NALCN: variants seen among roughly 807,000 people sequenced by gnomAD.
The protein encoded by NALCN is sodium leak channel NALCN.
Under a neutral mutation model 225.3 loss-of-function variants are expected in NALCN, and 111 were observed. That is an observed-to-expected ratio of 0.49 (90% CI 0.42 to 0.58). The LOEUF (loss-of-function observed/expected upper bound fraction) is 0.58. NALCN is among the 20% of genes least tolerant of loss of function. The pLI is 0.00. For synonymous variants in NALCN, 764 were observed against 769.0 expected (o/e 0.99, Z 0.11); for missense variants, 1,378 against 2,202.4 (o/e 0.63, Z 7.49).
chr13:101,268,646 G>T (rs2042675938), intron 10 of NALCN, among the ~76,000 whole-genome samples: 3 of 152,138 alleles, frequency 2.0e-5, no homozygotes. Flanking sequence ...GCACACAAAA[G>T]CCATTTCTGG....
chr13:101,300,755 A>T (rs979570696), intron 7 of NALCN, among the ~76,000 whole-genome samples: 1 of 152,282 alleles, frequency 6.6e-6, no homozygotes, highest in African/African-American at 2.4e-5. Context: ...CACGTGGCAT[A>T]TCAAGGCAAT....
chr13:101,122,575 T>C (rs2036030345), intron 18 of NALCN, among the ~76,000 whole-genome samples: 1 of 152,214 alleles, frequency 6.6e-6, no homozygotes, highest in Non-Finnish European at 1.5e-5. Flanking sequence ...TCAGCAACTA[T>C]ATCCCTCTTG....
intron 14 of NALCN, among the ~76,000 whole-genome samples, chr13:101,190,750 C>T (rs1015437048): frequency 6.6e-6 from 1 of 152,126 alleles, no homozygotes; most frequent in Non-Finnish European, 1.5e-5. Context: ...TTATTTCATT[C>T]ATAGATATTT....
At chr13:101,099,030 T>G (rs541094289) in intron 27 of NALCN, among the ~76,000 whole-genome samples, 2 of 151,936 alleles carry the variant, frequency 1.3e-5, no homozygotes, top group African/African-American at 4.8e-5. Flanking sequence ...TTTGGCTGGG[T>G]ATGAGTGGAT....
chr13:101,060,033 A>T, intron 41 of NALCN, 66 bp from the exon 42 acceptor site: 1 of 1,576,238 alleles, frequency 6.3e-7, no homozygotes, highest in Non-Finnish European at 8.7e-7. Flanking sequence ...ACCGCCACAC[A>T]AATCTTATTT....
chr13:101,191,529 C>A (rs1284813862), intron 14 of NALCN, among the ~76,000 whole-genome samples: 1 of 152,018 alleles, frequency 6.6e-6, no homozygotes, highest in Non-Finnish European at 1.5e-5. Context: ...TTAATTACAG[C>A]TGTGAAGAGG....
intron 30 of NALCN, among the ~76,000 whole-genome samples, chr13:101,087,140 A>G (rs986276404): frequency 6.6e-6 from 1 of 152,152 alleles, no homozygotes; most frequent in Non-Finnish European, 1.5e-5. Context: ...TCAGAAAAAA[A>G]TCTATATTAC....
chr13:101,116,968 C>T (rs367578840), intron 18 of NALCN: 27 of 516,372 alleles, frequency 5.2e-5, no homozygotes, highest in Admixed American at 9.8e-5. Flanking sequence ...GAGACAACAG[C>T]GGATGCTAAT....
At chr13:101,151,632 T>G (rs1379924226) in intron 15 of NALCN, among the ~76,000 whole-genome samples, 2 of 152,240 alleles carry the variant, frequency 1.3e-5, no homozygotes, top group Non-Finnish European at 2.9e-5. Context: ...TCTCTTTGCT[T>G]CTTTACACAG....
intron 6 of NALCN, among the ~76,000 whole-genome samples, chr13:101,356,133 GA>G (rs1453530193): frequency 6.6e-6 from 1 of 151,998 alleles, no homozygotes; most frequent in Non-Finnish European, 1.5e-5. Context: ...ACAATGAAAA[GA>G]ACTAGAGAAG....
chr13:101,255,332 A>T (rs113831100), intron 11 of NALCN, among the ~76,000 whole-genome samples: 2,920 of 152,262 alleles, frequency 0.019, 96 homozygotes, highest in African/African-American at 0.068. Flanking sequence ...GAAAGGATCA[A>T]TTCTGTACAT....
intron 2 of NALCN, among the ~76,000 whole-genome samples, chr13:101,396,369 TTGAC>T (rs1451864070): frequency 2.6e-5 from 4 of 152,148 alleles, no homozygotes; most frequent in Non-Finnish European, 5.9e-5. Flanking sequence ...TACGTTTTTA[TTGAC>T]TATCTGGGAC....
chr13:101,311,288 T>C (rs1294695571), intron 7 of NALCN, among the ~76,000 whole-genome samples: 8 of 151,916 alleles, frequency 5.3e-5, no homozygotes, highest in Admixed American at 2.6e-4. Flanking sequence ...TCTAGATATA[T>C]AATCATGTCA....
chr13:101,328,492 T>C (rs1320470675), intron 7 of NALCN, among the ~76,000 whole-genome samples: 1 of 152,120 alleles, frequency 6.6e-6, no homozygotes, highest in Admixed American at 6.5e-5. Flanking sequence ...CTGTATATTT[T>C]TAAATTACAT....
At chr13:101,266,948 A>C (rs150740167) in intron 10 of NALCN, among the ~76,000 whole-genome samples, 5 of 152,356 alleles carry the variant, frequency 3.3e-5, no homozygotes, top group Admixed American at 2.6e-4. Context: ...AAACATAACC[A>C]GTGGATATCC....
At position 101,153,817 on chromosome 13, in the gene NALCN, A is replaced by G. The variant is rs11839938; in HGVS notation, c.1840-8921T>C. Among the ~76,000 whole-genome samples, 1,391 of 152,310 alleles carry G rather than the reference A, an allele frequency of 9.1e-3. 19 individuals are homozygous for G. Among genetic ancestry groups the G allele is most frequent in the African/African-American group, 0.031 (1,295 of 41,566 alleles). On this transcript the variant is annotated intron_variant, in intron 15 of 43. Coordinates refer to ENST00000251127, the MANE Select transcript of NALCN (RefSeq NM_052867.4). The stretch of plus-strand genomic sequence containing the variant: ...GAACATCTAGAAAAGAAATACCTTT[A>G]TGTCCCTCTGGTCCTTAAAGTAATG...
intron 13 of NALCN, among the ~76,000 whole-genome samples, chr13:101,197,525 A>G (rs1168344814): frequency 6.6e-6 from 1 of 152,198 alleles, no homozygotes; most frequent in African/African-American, 2.4e-5. Context: ...AAGTATGAGT[A>G]AACAACTGTG....
intron 13 of NALCN, among the ~76,000 whole-genome samples, chr13:101,217,231 T>A (rs7981947): frequency 0.089 from 13,589 of 152,240 alleles, 1,810 homozygotes; most frequent in African/African-American, 0.29. Context: ...TTTGTTTTTG[T>A]TACAGAAAGA....
At chr13:101,149,855 A>G (rs764220920) in intron 15 of NALCN, among the ~76,000 whole-genome samples, 10 of 152,236 alleles carry the variant, frequency 6.6e-5, no homozygotes, top group East Asian at 3.9e-4. Context: ...GAGAAGCAGC[A>G]TCAACTAAAA....
Sources: gnomAD v4.1 joint callset for allele counts (sites outside exome capture counted in the v4.1 genomes callset) on GRCh38, gnomAD v4.1.1 for gene constraint, MANE v1.5 for transcripts, NCBI Gene and HGNC (gene_info 2026-07-23, HGNC 2026-07-21) for gene names.